Variants in CDH13 observed in about 807,000 individuals in gnomAD.
CDH13 encodes cadherin-13.
A neutral mutation model predicts 63.8 loss-of-function variants in CDH13; 24 were observed. That is an observed-to-expected ratio of 0.38 (90% CI 0.27 to 0.53). CDH13 has a LOEUF of 0.53. Ranked by LOEUF, CDH13 falls within the 20% of genes least tolerant of loss-of-function variation. The probability of loss-of-function intolerance (pLI) is 0.85; values close to 1 mark genes in which losing one functional copy is unlikely to be tolerated. For missense variants in CDH13, 1,049 were observed against 903.1 expected, an observed-to-expected ratio of 1.16 and a Z score of -2.07; for synonymous variants, 503 against 355.3, an observed-to-expected ratio of 1.42 and a Z score of -4.67.
At chr16:82,629,980 G>A (rs576454637) in intron 1 of CDH13, among the ~76,000 whole-genome samples, 119 of 152,324 alleles carry the variant, frequency 7.8e-4, no homozygotes, top group Non-Finnish European at 1.5e-3. Flanking sequence ...TAGGAATTTA[G>A]GGAGGGGTTC....
At chr16:82,999,253 T>TC (rs1020883117) in intron 2 of CDH13, among the ~76,000 whole-genome samples, 1 of 152,148 alleles carries the variant, frequency 6.6e-6, no homozygotes, top group Non-Finnish European at 1.5e-5. Flanking sequence ...GTTGTTTTTT[T>TC]CCCCCCTCCT....
At chr16:83,132,445 A>ACC (rs1187699429) in intron 4 of CDH13, among the ~76,000 whole-genome samples, 3 of 22,204 alleles carry the variant, frequency 1.4e-4, no homozygotes, top group African/African-American at 5.7e-4. Context: ...ACCCCCCAAC[A>ACC]CCCCCCCCTT....
intron 1 of CDH13, among the ~76,000 whole-genome samples, chr16:82,843,327 A>G (rs1435155570): frequency 6.6e-6 from 1 of 152,252 alleles, no homozygotes; most frequent in Non-Finnish European, 1.5e-5. Flanking sequence ...ATTGGCATTC[A>G]GTGAGCAGTT....
intron 3 of CDH13, among the ~76,000 whole-genome samples, chr16:83,041,168 G>A (rs1917300664): frequency 6.6e-6 from 1 of 152,138 alleles, no homozygotes; most frequent in Admixed American, 6.5e-5. Context: ...AGGGAAACTG[G>A]TCTCTTAATC....
intron 2 of CDH13, among the ~76,000 whole-genome samples, chr16:82,956,805 A>G (rs1299546203): frequency 6.6e-6 from 1 of 152,204 alleles, no homozygotes; most frequent in African/African-American, 2.4e-5. Flanking sequence ...CTTGTGTCTC[A>G]GTGGATTTCT....
At chr16:83,707,836 C>CAAAAAAAGAAAAAAAAAAAAA (rs1907340351) in intron 10 of CDH13, among the ~76,000 whole-genome samples, 1 of 78,902 alleles carries the variant, frequency 1.3e-5, no homozygotes, top group Non-Finnish European at 2.3e-5. Flanking sequence ...ACCCTAAAGG[C>CAAAAAAAGAAAAAAAAAAAAA]AAAAAAAAAA....
intron 7 of CDH13, among the ~76,000 whole-genome samples, chr16:83,531,171 G>A (rs568086294): frequency 2.0e-4 from 30 of 152,272 alleles, no homozygotes; most frequent in East Asian, 5.8e-4. Context: ...TTAAATCAAC[G>A]TACATGGCTT....
At chr16:83,669,658 G>A (rs925245713) in intron 8 of CDH13, among the ~76,000 whole-genome samples, 2 of 152,198 alleles carry the variant, frequency 1.3e-5, no homozygotes, top group East Asian at 1.9e-4. Flanking sequence ...TGTCCCCTGA[G>A]AGGCCTCAGG....
chr16:83,238,969 G>A (rs9938108), intron 5 of CDH13, among the ~76,000 whole-genome samples: 5,081 of 152,178 alleles, frequency 0.033, 307 homozygotes, highest in African/African-American at 0.11. Flanking sequence ...TTGTCCTGAC[G>A]AGAGATAAGT....
rs533526043 is a variant in CDH13, at chr16:83,336,753, G to A, written c.637-8109G>A. The stretch of plus-strand genomic sequence containing the variant: ...ACTGTTTTCTAAATCATTTCTCTTC[G>A]GAATGACTCACAAGTCCATGGACTG... On this transcript the variant is annotated intron_variant, in intron 5 of 13. Coordinates refer to ENST00000567109, the MANE Select transcript of CDH13 (RefSeq NM_001257.5). Among the ~76,000 whole-genome samples, 55 of 152,208 alleles carry A rather than the reference G, an allele frequency of 3.6e-4. 1 individual carries two copies. Among genetic ancestry groups the A allele is most frequent in the African/African-American group, 1.3e-3 (53 of 41,530 alleles).
chr16:82,959,129 T>C (rs887058654), intron 2 of CDH13, among the ~76,000 whole-genome samples: 1 of 152,238 alleles, frequency 6.6e-6, no homozygotes, highest in African/African-American at 2.4e-5. Flanking sequence ...TTCACAGTTA[T>C]GGCACATACA....
intron 1 of CDH13, among the ~76,000 whole-genome samples, chr16:82,690,271 G>C (rs62036332): frequency 0.05 from 7,559 of 151,974 alleles, 276 homozygotes; most frequent in Non-Finnish European, 0.082. Flanking sequence ...CAACCAGTGG[G>C]CATATACTGT....
chr16:83,596,968 A>C (rs1284953950), intron 7 of CDH13, among the ~76,000 whole-genome samples: 1 of 152,198 alleles, frequency 6.6e-6, no homozygotes, highest in Non-Finnish European at 1.5e-5. Context: ...CATGCCTATA[A>C]TCTCAGCACT....
At chr16:83,788,218 A>G (rs1194951075) in intron 13 of CDH13, among the ~76,000 whole-genome samples, 1 of 152,114 alleles carries the variant, frequency 6.6e-6, no homozygotes, top group Non-Finnish European at 1.5e-5. Flanking sequence ...AAGGCACTGC[A>G]GGACCCTGCT....
rs111435812 is a variant in CDH13 at position 83,297,648 on chromosome 16, A to G, written c.637-47214A>G. ...AAATGTTGGAAAGAGTCCTTGATATATGGAAACTGACAAAGACATAACTTC... is the reference window on the plus strand; with the variant it reads ...AAATGTTGGAAAGAGTCCTTGATATGTGGAAACTGACAAAGACATAACTTC... On this transcript the variant is annotated intron_variant, in intron 5 of 13. Coordinates refer to ENST00000567109, the MANE Select transcript of CDH13 (RefSeq NM_001257.5). Among the ~76,000 whole-genome samples, 565 of 152,292 alleles carry G rather than the reference A, an allele frequency of 3.7e-3. 2 individuals carry two copies. The highest frequency in any genetic ancestry group is 6.1e-3 in the Admixed American group (94 of 15,294).
chr16:83,687,979 T>C (rs1489935199), intron 10 of CDH13, among the ~76,000 whole-genome samples: 2 of 152,260 alleles, frequency 1.3e-5, no homozygotes, highest in East Asian at 1.9e-4. Context: ...CCTCCTCATC[T>C]TTCTGACCTG....
In CDH13 at chr16:83,199,507, T is replaced by TA. The variant is rs529779909; in HGVS notation, c.484-17831dup. Reference sequence around the variant, plus strand: ...GTCTCCTTAACTGCATTTGTGAAGTTAAAAAAAGCAATAGAAACCACCAGG... The same window carrying TA: ...GTCTCCTTAACTGCATTTGTGAAGTTAAAAAAAAGCAATAGAAACCACCAGG... On this transcript the variant is annotated intron_variant, in intron 4 of 13. Transcript: ENST00000567109. Among the ~76,000 whole-genome samples the TA allele has an allele frequency of 1.2e-3, 176 of 152,236 alleles. 2 individuals are homozygous for TA. The highest frequency in any genetic ancestry group is 4.0e-3 in the African/African-American group (168 of 41,554).
At chr16:82,894,616 TG>T (rs2041190371) in intron 2 of CDH13, among the ~76,000 whole-genome samples, 1 of 152,238 alleles carries the variant, frequency 6.6e-6, no homozygotes, top group Admixed American at 6.5e-5. Context: ...CACTCCAGCC[TG>T]GGCAACACAG....
intron 5 of CDH13, among the ~76,000 whole-genome samples, chr16:83,292,838 A>G (rs1448324155): frequency 1.3e-5 from 2 of 152,152 alleles, no homozygotes; most frequent in African/African-American, 2.4e-5. Context: ...TTACACTTGC[A>G]TGGCATAATA....
Sources: allele counts gnomAD v4.1 joint callset (sites outside exome capture counted in the v4.1 genomes callset), GRCh38; gene constraint gnomAD v4.1.1; transcripts MANE v1.5; gene names NCBI Gene and HGNC (gene_info 2026-07-23, HGNC 2026-07-21).